The following TMPRSS2 variants were observed in gnomAD, a reference collection of about 807,000 sequenced individuals.
The protein encoded by TMPRSS2 is transmembrane protease serine 2.
A neutral mutation model predicts 67.4 loss-of-function variants in TMPRSS2; 59 were observed. The ratio of observed to expected loss-of-function variants is 0.88; its 90% CI spans 0.71 to 1.09. The LOEUF (loss-of-function observed/expected upper bound fraction) is 1.09, where lower values mean the gene tolerates loss of function less well. TMPRSS2 is among the 50% of genes least tolerant of loss of function. The probability of loss-of-function intolerance (pLI) is 0.00; values close to 1 mark genes in which losing one functional copy is unlikely to be tolerated. For synonymous variants in TMPRSS2, 257 were observed against 257.0 expected (o/e 1.00, Z 0.00); for missense variants, 668 against 642.7 (o/e 1.04, Z -0.43).
At chr21:41,505,467 C>A (rs2091451511) in intron 1 of TMPRSS2, among the ~76,000 whole-genome samples, 1 of 152,184 alleles carries the variant, frequency 6.6e-6, no homozygotes, top group African/African-American at 2.4e-5. Flanking sequence ...GCATAAGGTA[C>A]TGCACGCATC....
chr21:41,507,865 G>A lies in TMPRSS2; in HGVS notation c.-57+216C>T, dbSNP rs1034250555. 56 of 1,425,466 alleles carry A rather than the reference G, an allele frequency of 3.9e-5. No homozygotes were observed. In the African/African-American group the frequency reaches 7.8e-4, roughly 20 times the overall value. The allele number at this position is 1,425,466 out of a possible 1,614,324, so 88.3% of individuals were successfully genotyped here. A position where few individuals can be genotyped will look rare whatever the true frequency, so the allele number is the denominator to read the frequency against. On this transcript the variant is annotated intron_variant, in intron 1 of 13. Coordinates refer to ENST00000332149, the MANE Select transcript of TMPRSS2 (RefSeq NM_005656.4). ...CGAGGGCTCTCGGCCGTGCGCAAGG[G>A]GTCCCAGGCGCCCAGCACTCTCCCA...
Position 41,464,449 on chromosome 21 carries a change from T to A in TMPRSS2, c.*1693A>T, listed in dbSNP as rs1206993907. 5.3e-6 allele frequency: 1 copy of A among 189,998 alleles called. No homozygotes were observed. The highest frequency in any genetic ancestry group is 1.1e-5 in the Non-Finnish European group (1 of 90,426). The allele number at this position is 189,998 out of a possible 1,614,324, so 11.8% of individuals were successfully genotyped here. A position where few individuals can be genotyped will look rare whatever the true frequency, so the allele number is the denominator to read the frequency against. On this transcript the variant is annotated 3_prime_UTR_variant, in exon 14 of 14. Coordinates refer to ENST00000332149, the MANE Select transcript of TMPRSS2 (RefSeq NM_005656.4). ...ACCACAGGAGCACCAAGTCTGGCCT[T>A]GCCTCACCTTTGGTCCTCTGACCAG...
At chr21:41,502,299 A>T (rs2146505981) in intron 1 of TMPRSS2, 1 of 846,832 alleles carries the variant, frequency 1.2e-6, no homozygotes, top group Non-Finnish European at 1.4e-6. Flanking sequence ...GCCAACGCGA[A>T]TGAAGTTAGG....
At chr21:41,482,352 A>C (rs1400766122) in intron 5 of TMPRSS2, among the ~76,000 whole-genome samples, 1 of 152,226 alleles carries the variant, frequency 6.6e-6, no homozygotes, top group Non-Finnish European at 1.5e-5. Context: ...AATCCCATGC[A>C]GCTTAAGGGT....
chr21:41,485,134 G>T (rs1232319412), intron 5 of TMPRSS2, among the ~76,000 whole-genome samples: 1 of 151,358 alleles, frequency 6.6e-6, no homozygotes, highest in East Asian at 1.9e-4. Flanking sequence ...TGTATGGGGG[G>T]ATGCGGGGTA....
rs1189962792 is a variant in TMPRSS2, at chr21:41,478,609, C to G, written c.683+563G>C. 6.6e-6 allele frequency among the ~76,000 whole-genome samples: 1 copy of G among 152,202 alleles called. No individual in the cohort carries two copies. Among genetic ancestry groups the G allele is most frequent in the African/African-American group, 2.4e-5 (1 of 41,450 alleles). On this transcript the variant is annotated intron_variant, in intron 7 of 13. Transcript: ENST00000332149. This position sits in a 1 kb window ranked among gnomAD's most constrained non-coding sequence, Gnocchi z 4.0. ...CCTGTGGCTTGTACCCACTTCTACC[C>G]CCTGGAAACACCACAACTCATTCCC...
At chr21:41,487,896 G>T (rs1041914894) in intron 5 of TMPRSS2, 2 of 152,896 alleles carry the variant, frequency 1.3e-5, no homozygotes, top group Non-Finnish European at 2.9e-5. Flanking sequence ...AGGTTCAAGT[G>T]ATTCTCCTGC....
At chr21:41,473,233 C>T (rs374689537) in intron 9 of TMPRSS2, 92 bp downstream of exon 9, 52 of 1,380,846 alleles carry the variant, frequency 3.8e-5, no homozygotes, top group Admixed American at 1.8e-4. Context: ...ACAAGGATGC[C>T]GGGGCTGCAA....
rs2091135896 is a variant in TMPRSS2, at chr21:41,471,821, G to A, written c.1060C>T (p.Pro354Ser). The change falls in exon 10 of 14, where the codon CCT becomes TCT. Residue 354 changes from proline to serine, a missense_variant. Pro to Ser is a moderately conservative substitution (Grantham distance 74, BLOSUM62 -1). Coordinates refer to ENST00000332149, the MANE Select transcript of TMPRSS2 (RefSeq NM_005656.4). ...CCACACGTACCGTTGAAAGTCAGAG[G>A]CTTCTGCAGCTTCATCAGCGCAATG... ...NDIALMKLQK[P>S]LTFNDLVKPV... 2 of 1,604,910 alleles carry A rather than the reference G, an allele frequency of 1.2e-6. No individual in the cohort carries two copies. The highest frequency in any genetic ancestry group is 8.5e-7 in the Non-Finnish European group (1 of 1,173,626).
chr21:41,496,781 T>C (rs1223077674), intron 2 of TMPRSS2, among the ~76,000 whole-genome samples: 1 of 149,150 alleles, frequency 6.7e-6, no homozygotes, highest in East Asian at 2.0e-4. Flanking sequence ...AGGGCCCCCA[T>C]GCAAAACTTT....
intron 3 of TMPRSS2, among the ~76,000 whole-genome samples, chr21:41,492,207 C>T (rs180792570): frequency 2.1e-4 from 31 of 145,874 alleles, no homozygotes; most frequent in African/African-American, 7.7e-4. Context: ...AACAAACAAA[C>T]AAACAAACAA....
intron 2 of TMPRSS2, among the ~76,000 whole-genome samples, chr21:41,497,348 G>A (rs1269521044): frequency 6.6e-6 from 1 of 152,132 alleles, no homozygotes; most frequent in African/African-American, 2.4e-5. Flanking sequence ...GAAGATTACA[G>A]CTCTGAACCA....
chr21:41,494,278 G>A, intron 3 of TMPRSS2, 78 bp downstream of exon 3: 1 of 1,466,248 alleles, frequency 6.8e-7, no homozygotes, highest in East Asian at 2.4e-5. Flanking sequence ...CAGTGGTGTT[G>A]GGAGCAGAGA....
At chr21:41,502,694 G>T in intron 1 of TMPRSS2, 1 of 552,048 alleles carries the variant, frequency 1.8e-6, no homozygotes, top group Non-Finnish European at 2.3e-6. Context: ...GCAGAAACTT[G>T]TTTATGTATA....
chr21:41,485,970 G>C (rs1323547013), intron 5 of TMPRSS2, among the ~76,000 whole-genome samples: 2 of 152,174 alleles, frequency 1.3e-5, no homozygotes, highest in African/African-American at 2.4e-5. Context: ...CAGGAAACCA[G>C]TCCCCACCAA....
At chr21:41,470,537 T>C (rs1490520104) in intron 11 of TMPRSS2, 111 bp downstream of exon 11, 1 of 1,007,824 alleles carries the variant, frequency 9.9e-7, no homozygotes, top group African/African-American at 1.6e-5. Flanking sequence ...TCAACCAAAG[T>C]CATCCAGTCA....
chr21:41,484,189 A>G (rs2410430), intron 5 of TMPRSS2, among the ~76,000 whole-genome samples: 144,710 of 152,298 alleles, frequency 0.95, 69,354 homozygotes, highest in Non-Finnish European at 0.98. Context: ...AATGCTCACC[A>G]TAATAAAGCT....
intron 5 of TMPRSS2, among the ~76,000 whole-genome samples, chr21:41,486,205 G>C (rs1048100314): frequency 1.3e-5 from 2 of 152,192 alleles, no homozygotes; most frequent in Non-Finnish European, 2.9e-5. Context: ...GTGTAAACAT[G>C]TCAGAGTGTG....
rs567208488 is a variant in TMPRSS2 at position 41,493,928 on chromosome 21, C to CAG, written c.238+426_238+427dup. On this transcript the variant is annotated intron_variant, in intron 3 of 13. Coordinates refer to ENST00000332149, the MANE Select transcript of TMPRSS2 (RefSeq NM_005656.4). ...AGGTCATCTACTAAACACAAAGTAA[C>CAG]AGAGAGCATCTTAAACATGACCTGT... Among the ~76,000 whole-genome samples, 35 of 152,354 alleles carry CAG rather than the reference C, an allele frequency of 2.3e-4. No individual in the cohort carries two copies. In the South Asian group the frequency reaches 6.8e-3, roughly 30 times the overall value.
Sources: allele counts gnomAD v4.1 joint callset (sites outside exome capture counted in the v4.1 genomes callset), GRCh38; gene constraint gnomAD v4.1.1; non-coding constraint Gnocchi (gnomAD v3.1); transcripts MANE v1.5; gene names NCBI Gene and HGNC (gene_info 2026-07-23, HGNC 2026-07-21).